Variants in CDKAL1 observed in about 807,000 individuals in gnomAD.
CDKAL1 encodes CDKAL1 threonylcarbamoyladenosine tRNA methylthiotransferase, also known as threonylcarbamoyladenosine tRNA methylthiotransferase.
In CDKAL1, 32 loss-of-function variants were observed where a neutral mutation model predicts 68.2. That is an observed-to-expected ratio of 0.47 (90% CI 0.35 to 0.63). CDKAL1 has a LOEUF of 0.63. Among genes scored for constraint, CDKAL1 ranks in the 30% least tolerant of loss-of-function variants. The pLI is 0.00. For synonymous variants in CDKAL1, 234 were observed against 244.3 expected (o/e 0.96, Z 0.39); for missense variants, 606 against 696.7 (o/e 0.87, Z 1.47).
intron 11 of CDKAL1, among the ~76,000 whole-genome samples, chr6:21,046,139 T>C (rs1770216052): frequency 6.6e-6 from 1 of 152,232 alleles, no homozygotes; most frequent in Non-Finnish European, 1.5e-5. Context: ...AGTTGATATA[T>C]GAAAAGAGTG....
chr6:21,168,733 C>T (rs990986599), intron 13 of CDKAL1, among the ~76,000 whole-genome samples: 2 of 152,140 alleles, frequency 1.3e-5, no homozygotes, highest in African/African-American at 4.8e-5. Context: ...AAATAGCAGG[C>T]TTTTACCAGT....
intron 10 of CDKAL1, among the ~76,000 whole-genome samples, chr6:20,996,691 T>G (rs1037877892): frequency 6.6e-6 from 1 of 152,154 alleles, no homozygotes; most frequent in African/African-American, 2.4e-5. Flanking sequence ...AAGTCTAAAA[T>G]ATTGCAAGAA....
chr6:20,548,134 G>T lies in CDKAL1; in HGVS notation c.174-459G>T, dbSNP rs543885413. On this transcript the variant is annotated intron_variant, in intron 3 of 15. Transcript: ENST00000274695. Reference sequence around the variant, plus strand: ...GACTTTTGATACAACAACAGATTTTGAGTTAAGTTGGTGCGTTTAATGAAT... The same window carrying T: ...GACTTTTGATACAACAACAGATTTTTAGTTAAGTTGGTGCGTTTAATGAAT... Among the ~76,000 whole-genome samples the T allele has an allele frequency of 5.9e-5, 9 of 152,306 alleles. No homozygotes were observed. The South Asian group carries it at 1.7e-3, about 28-fold the overall frequency.
In CDKAL1 at chr6:20,882,011, A is replaced by G. The variant is rs559091291; in HGVS notation, c.742+35833A>G. Among the ~76,000 whole-genome samples, 7 of 152,294 alleles carry G rather than the reference A, an allele frequency of 4.6e-5. No individual in the cohort carries two copies. The South Asian group carries it at 6.2e-4, about 14-fold the overall frequency. On this transcript the variant is annotated intron_variant, in intron 9 of 15. Transcript: ENST00000274695. Reference sequence around the variant, plus strand: ...TGGTTTTGCCCTTTCCAGATATCATATAAATGGAATCATGCGATATGTAGC... The same window carrying G: ...TGGTTTTGCCCTTTCCAGATATCATGTAAATGGAATCATGCGATATGTAGC...
chr6:20,830,731 C>T (rs1777682633), intron 8 of CDKAL1, among the ~76,000 whole-genome samples: 1 of 152,002 alleles, frequency 6.6e-6, no homozygotes, highest in Non-Finnish European at 1.5e-5. Context: ...TACTGCTATT[C>T]ACAGGACTGG....
intron 9 of CDKAL1, among the ~76,000 whole-genome samples, chr6:20,931,191 A>T (rs1763436696): frequency 6.6e-6 from 1 of 152,226 alleles, no homozygotes; most frequent in African/African-American, 2.4e-5. Context: ...TTATACTGAC[A>T]TATGGGATGT....
chr6:20,789,258 A>G (rs1775801243), intron 8 of CDKAL1, among the ~76,000 whole-genome samples: 1 of 152,214 alleles, frequency 6.6e-6, no homozygotes, highest in African/African-American at 2.4e-5. Flanking sequence ...TTTCACTAAA[A>G]TATTATACAA....
At chr6:20,754,364 A>G (rs2150343423) in intron 6 of CDKAL1, among the ~76,000 whole-genome samples, 1 of 152,332 alleles carries the variant, frequency 6.6e-6, no homozygotes, top group South Asian at 2.1e-4. Context: ...TAAACTACAC[A>G]TAAAATACAA....
chr6:20,605,847 G>C (rs779962829), intron 4 of CDKAL1, among the ~76,000 whole-genome samples: 7 of 152,280 alleles, frequency 4.6e-5, no homozygotes, highest in African/African-American at 1.7e-4. Flanking sequence ...TCTTTCCCCA[G>C]CTTTGGTTGG....
chr6:20,924,948 G>A (rs1375614911), intron 9 of CDKAL1, among the ~76,000 whole-genome samples: 1 of 152,214 alleles, frequency 6.6e-6, no homozygotes, highest in Non-Finnish European at 1.5e-5. Context: ...AGTTGCTAAG[G>A]CAGCCAGCAG....
At chr6:20,841,384 ACT>A (rs1298091874) in intron 8 of CDKAL1, among the ~76,000 whole-genome samples, 2 of 152,062 alleles carry the variant, frequency 1.3e-5, no homozygotes, top group Non-Finnish European at 2.9e-5. Context: ...TAAGAGTATA[ACT>A]CTGATTTTTA....
intron 10 of CDKAL1, among the ~76,000 whole-genome samples, chr6:20,998,457 C>T (rs1767240507): frequency 6.6e-6 from 1 of 151,982 alleles, no homozygotes; most frequent in East Asian, 1.9e-4. Context: ...ACTAAAACCA[C>T]AAAAATTAGC....
chr6:20,561,468 A>AAAAAAAAAAC (rs1764266883), intron 4 of CDKAL1, among the ~76,000 whole-genome samples: 2 of 149,818 alleles, frequency 1.3e-5, no homozygotes, highest in African/African-American at 4.9e-5. Flanking sequence ...AAAAAAAAAA[A>AAAAAAAAAAC]AAAGAACAGA....
At chr6:20,985,586 C>G (rs1295079019) in intron 10 of CDKAL1, among the ~76,000 whole-genome samples, 1 of 152,198 alleles carries the variant, frequency 6.6e-6, no homozygotes, top group Non-Finnish European at 1.5e-5. Context: ...TGGGCCACTG[C>G]ACCCCACCCT....
intron 9 of CDKAL1, among the ~76,000 whole-genome samples, chr6:20,885,722 A>G (rs1241020678): frequency 6.6e-6 from 1 of 152,194 alleles, no homozygotes; most frequent in Non-Finnish European, 1.5e-5. Flanking sequence ...AAGACAATCT[A>G]CAGACTGGGA....
At chr6:21,090,786 T>C (rs996830907) in intron 12 of CDKAL1, among the ~76,000 whole-genome samples, 1 of 148,724 alleles carries the variant, frequency 6.7e-6, no homozygotes, top group Non-Finnish European at 1.5e-5. Flanking sequence ...GTAAGTATAC[T>C]AACAATTTTT....
intron 11 of CDKAL1, among the ~76,000 whole-genome samples, chr6:21,005,156 G>A (rs1292133562): frequency 6.6e-6 from 1 of 151,470 alleles, no homozygotes; most frequent in East Asian, 1.9e-4. Flanking sequence ...AATGATTTTT[G>A]TACTGCGTTA....
chr6:20,939,401 G>T (rs538411027), intron 9 of CDKAL1, among the ~76,000 whole-genome samples: 9 of 152,276 alleles, frequency 5.9e-5, no homozygotes, highest in Non-Finnish European at 1.0e-4. Context: ...AAGAACTGGG[G>T]AGTTAGAGAA....
intron 9 of CDKAL1, among the ~76,000 whole-genome samples, chr6:20,876,532 A>G (rs1760527382): frequency 1.3e-5 from 2 of 152,218 alleles, no homozygotes; most frequent in African/African-American, 4.8e-5. Flanking sequence ...GCTTCATTCT[A>G]AGGATTAAAT....
Sources: allele counts gnomAD v4.1 joint callset (sites outside exome capture counted in the v4.1 genomes callset), GRCh38; gene constraint gnomAD v4.1.1; transcripts MANE v1.5; gene names NCBI Gene and HGNC (gene_info 2026-07-23, HGNC 2026-07-21).